PCDHGA5: variants seen among roughly 807,000 people sequenced by gnomAD.
PCDHGA5 encodes protocadherin gamma-A5.
Under a neutral mutation model 56.7 loss-of-function variants are expected in PCDHGA5, and 36 were observed. The observed-to-expected ratio is 0.64, with a 90% CI of 0.49 to 0.84. The LOEUF (loss-of-function observed/expected upper bound fraction) is 0.84. Ranked by LOEUF, PCDHGA5 falls within the 40% of genes least tolerant of loss-of-function variation. The probability of loss-of-function intolerance (pLI) is 0.00; values close to 1 mark genes in which losing one functional copy is unlikely to be tolerated. For missense variants in PCDHGA5, 1,305 were observed against 1,201.5 expected (o/e 1.09, Z -1.27); for synonymous variants, 563 against 520.2 (o/e 1.08, Z -1.12).
At chr5:141,478,251 T>C in intron 1 of PCDHGA5, 1 of 1,614,072 alleles carries the variant, frequency 6.2e-7, no homozygotes, top group Non-Finnish European at 8.5e-7. Context: ...GTGTTCGGAG[T>C]AATCATATTC....
intron 1 of PCDHGA5, chr5:141,415,862 A>G: frequency 1.8e-6 from 2 of 1,107,350 alleles, no homozygotes; most frequent in Non-Finnish European, 1.2e-6. Flanking sequence ...TGTAGTTTAT[A>G]GTGTTGTTGA....
chr5:141,511,443 C>A lies in PCDHGA5; in HGVS notation c.*270C>A. On this transcript the variant is annotated 3_prime_UTR_variant, in exon 4 of 4. Coordinates refer to ENST00000518069, the MANE Select transcript of PCDHGA5 (RefSeq NM_018918.3). ...GGGGTAGTGGGGTTACTGTAGACAC[C>A]AAGAACCATTTGCCACACCCCGTTT... 1 of 670,886 alleles carries A rather than the reference C, an allele frequency of 1.5e-6. No homozygotes were observed. Among genetic ancestry groups the A allele is most frequent in the Non-Finnish European group, 2.4e-6 (1 of 421,442 alleles). 41.6% of individuals were successfully genotyped at this position (670,886 alleles called of 1,614,324 possible).
chr5:141,375,059 G>C, intron 1 of PCDHGA5: 1 of 1,614,038 alleles, frequency 6.2e-7, no homozygotes, highest in Non-Finnish European at 8.5e-7. Flanking sequence ...GGATGGGCCA[G>C]GTCTTCGAGA....
intron 1 of PCDHGA5, chr5:141,399,366 G>A (rs1390489498): frequency 3.7e-6 from 6 of 1,613,850 alleles, no homozygotes; most frequent in Middle Eastern, 3.3e-4. Flanking sequence ...AAACCCCGGA[G>A]TACAATGTCA....
chr5:141,385,404 G>C, intron 1 of PCDHGA5: 1 of 1,482,648 alleles, frequency 6.7e-7, no homozygotes, highest in Non-Finnish European at 8.9e-7. Context: ...CAAATGTTTT[G>C]AAAATAGGGA....
chr5:141,420,304 T>C, intron 1 of PCDHGA5: 1 of 1,462,822 alleles, frequency 6.8e-7, no homozygotes, highest in African/African-American at 1.4e-5. Context: ...TTTAATCCTT[T>C]TTATATTACA....
At chr5:141,422,333 T>C in intron 1 of PCDHGA5, 1 of 1,549,594 alleles carries the variant, frequency 6.5e-7, no homozygotes, top group Non-Finnish European at 8.7e-7. Flanking sequence ...GTGATTGCTC[T>C]TCTAAATGTG....
At position 141,490,132 on chromosome 5, in the gene PCDHGA5, A is replaced by C. The variant is rs1245562757; in HGVS notation, c.2422-4675A>C. On this transcript the variant is annotated intron_variant, in intron 1 of 3. Coordinates refer to ENST00000518069, the MANE Select transcript of PCDHGA5 (RefSeq NM_018918.3). This position sits in a 1 kb window ranked among gnomAD's most constrained non-coding sequence, Gnocchi z 5.4. ...GCGGAACCTCTTTGGCCTAGACCCT[A>C]GCAGTGGGGCAATCCATGTGTTGGG... 6.2e-7 allele frequency: 1 copy of C among 1,614,220 alleles called. No individual in the cohort carries two copies. Among genetic ancestry groups the C allele is most frequent in the South Asian group, 1.1e-5 (1 of 91,088 alleles).
chr5:141,404,195 G>A (rs1472875979), intron 1 of PCDHGA5: 1 of 1,613,400 alleles, frequency 6.2e-7, no homozygotes, highest in East Asian at 2.2e-5. Context: ...CCGAGAAAAA[G>A]CCTCAGAATA....
intron 1 of PCDHGA5, among the ~76,000 whole-genome samples, chr5:141,488,305 T>C (rs1452293355): frequency 6.6e-6 from 1 of 152,234 alleles, no homozygotes; most frequent in African/African-American, 2.4e-5. Context: ...AAATCACTTA[T>C]GTCAGAAAAC....
At chr5:141,385,300 A>G (rs1781097976) in intron 1 of PCDHGA5, 2 of 1,613,102 alleles carry the variant, frequency 1.2e-6, no homozygotes, top group Non-Finnish European at 8.5e-7. Flanking sequence ...TCAGGAATGT[A>G]AAGAAAACCT....
intron 1 of PCDHGA5, chr5:141,419,126 G>A: frequency 6.2e-7 from 1 of 1,613,770 alleles, no homozygotes; most frequent in Non-Finnish European, 8.5e-7. Context: ...CGTCACCATC[G>A]CAGCCACAGA....
In PCDHGA5 at chr5:141,457,491, A is replaced by G. The variant is rs1462989353; in HGVS notation, c.2422-37316A>G. Among the ~76,000 whole-genome samples, 9 of 152,368 alleles carry G rather than the reference A, an allele frequency of 5.9e-5. No individual in the cohort carries two copies. The East Asian group carries it at 1.5e-3, about 26-fold the overall frequency. On this transcript the variant is annotated intron_variant, in intron 1 of 3. Transcript: ENST00000518069. ...ATAAGCAGGGCCAGGGTTAGTCTAA[A>G]ATGTAGGCAAAAAGCTTAAAAACAA...
chr5:141,368,390 C>T (rs1290377488), intron 1 of PCDHGA5, among the ~76,000 whole-genome samples: 1 of 152,100 alleles, frequency 6.6e-6, no homozygotes, highest in Non-Finnish European at 1.5e-5. Flanking sequence ...CATACACACA[C>T]ACAAACACAC....
At position 141,476,764 on chromosome 5, in the gene PCDHGA5, G is replaced by A. The variant is rs570982273; in HGVS notation, c.2422-18043G>A. 1.2e-6 allele frequency: 2 copies of A among 1,613,794 alleles called. No homozygotes were observed. Reference sequence around the variant, plus strand: ...CTAGTCTCCAGTTAGTGCTGACGGCGTTGGACGGAGGGACCCCAGCTCTCT... The same window carrying A: ...CTAGTCTCCAGTTAGTGCTGACGGCATTGGACGGAGGGACCCCAGCTCTCT... On this transcript the variant is annotated intron_variant, in intron 1 of 3. Coordinates refer to ENST00000518069, the MANE Select transcript of PCDHGA5 (RefSeq NM_018918.3). The surrounding 1 kb of genome is among the most constrained non-coding windows in gnomAD (Gnocchi z 7.6).
In PCDHGA5 at chr5:141,489,053, G is replaced by C; in HGVS notation, c.2422-5754G>C. 1 of 473,650 alleles carries C rather than the reference G, an allele frequency of 2.1e-6. No homozygotes were observed. Among genetic ancestry groups the C allele is most frequent in the Non-Finnish European group, 3.7e-6 (1 of 270,732 alleles). The allele number at this position is 473,650 out of a possible 1,614,324, so 29.3% of individuals were successfully genotyped here. A position where few individuals can be genotyped will look rare whatever the true frequency, so the allele number is the denominator to read the frequency against. On this transcript the variant is annotated intron_variant, in intron 1 of 3. Transcript: ENST00000518069. The surrounding 1 kb of genome is among the most constrained non-coding windows in gnomAD (Gnocchi z 4.5). ...AGCTCCCCAGCTCCACTCAAATTCA[G>C]CTCCCCTCCCCCCTGCCCACCCCCG...
At chr5:141,510,814 C>T in intron 3 of PCDHGA5, 133 bp from the exon 4 acceptor site, 2 of 1,544,688 alleles carry the variant, frequency 1.3e-6, no homozygotes, top group East Asian at 4.6e-5. Context: ...TTGGTGACCC[C>T]TATATTCCCA....
rs1182506562 is a variant in PCDHGA5, at chr5:141,364,516, C to T, written c.186C>T (p.Arg62=). The T allele has an allele frequency of 3.1e-5, 50 of 1,613,884 alleles. No homozygotes were observed. The highest frequency in any genetic ancestry group is 4.2e-5 in the Non-Finnish European group (50 of 1,179,896). The change falls in exon 1 of 4, where the codon CGC becomes CGT. Residue 62 remains arginine, a synonymous_variant. Transcript: ENST00000518069. ...TGGAGCCCCAGGAGCTGGCGGAGCG[C>T]GGAGTCCGCATCGTCTCCAGAGGTA... is the stretch of plus-strand genomic sequence containing the variant. The part of the protein sequence containing the change: ...LGLEPQELAE[R]GVRIVSRGRT...
chr5:141,437,591 G>T (rs1177672004), intron 1 of PCDHGA5, among the ~76,000 whole-genome samples: 5 of 152,170 alleles, frequency 3.3e-5, no homozygotes, highest in Non-Finnish European at 7.3e-5. Flanking sequence ...GAATTGGATA[G>T]TTCTGGTGTA....
Sources: gnomAD v4.1 joint callset for allele counts (sites outside exome capture counted in the v4.1 genomes callset) on GRCh38, gnomAD v4.1.1 for gene constraint, Gnocchi (gnomAD v3.1) non-coding constraint, MANE v1.5 for transcripts, NCBI Gene and HGNC (gene_info 2026-07-23, HGNC 2026-07-21) for gene names.